The following GALNS variants were observed in gnomAD, a reference collection of about 807,000 sequenced individuals.
GALNS encodes N-acetylgalactosamine-6-sulfatase.
A neutral mutation model predicts 65.9 loss-of-function variants in GALNS; 65 were observed. The ratio of observed to expected loss-of-function variants is 0.99; its 90% CI spans 0.81 to 1.21. GALNS has a LOEUF of 1.21. GALNS is among the 50% of genes most tolerant of loss of function. GALNS has a pLI of 0.00. For missense variants in GALNS, 776 were observed against 700.7 expected (o/e 1.11, Z -1.21); for synonymous variants, 346 against 288.9 (o/e 1.20, Z -2.00).
intron 12 of GALNS, among the ~76,000 whole-genome samples, chr16:88,819,848 C>A (rs1380121442): frequency 6.6e-6 from 1 of 152,024 alleles, no homozygotes; most frequent in Non-Finnish European, 1.5e-5. Flanking sequence ...CGCCCGCCAC[C>A]ACGCCTGGCT....
chr16:88,841,340 G>A (rs971098728), intron 3 of GALNS, among the ~76,000 whole-genome samples: 13 of 152,108 alleles, frequency 8.5e-5, no homozygotes, highest in African/African-American at 2.4e-4. Context: ...GCCCCCCAGC[G>A]CCTTCCTTGG....
At chr16:88,856,602 C>T in intron 1 of GALNS, 156 bp downstream of exon 1, 1 of 574,752 alleles carries the variant, frequency 1.7e-6, no homozygotes, top group African/African-American at 1.9e-5. Context: ...CCTCCCCCTC[C>T]TCCTCCCCGC....
intron 1 of GALNS, among the ~76,000 whole-genome samples, chr16:88,853,367 ACG>A (rs1189917169): frequency 3.3e-5 from 5 of 152,128 alleles, no homozygotes; most frequent in Admixed American, 2.6e-4. Context: ...GTTTTAAGAA[ACG>A]CAGTTTCCAT....
intron 1 of GALNS, among the ~76,000 whole-genome samples, chr16:88,847,424 GCCT>G (rs1371578818): frequency 6.6e-6 from 1 of 152,156 alleles, no homozygotes; most frequent in East Asian, 1.9e-4. Context: ...ACCCCATCCA[GCCT>G]CCTCCTGTCA....
rs934492605 is a variant in GALNS, at chr16:88,817,419, T to G, written c.1482+588A>C. On this transcript the variant is annotated intron_variant, in intron 13 of 13. Transcript: ENST00000268695. ...GGAGGTGCTGCTCTGGGTGGGTGCCTATGAGTGAGATCAGGTCTGATGCGA... is the reference window on the plus strand; with the variant it reads ...GGAGGTGCTGCTCTGGGTGGGTGCCGATGAGTGAGATCAGGTCTGATGCGA... 1.7e-5 allele frequency: 17 copies of G among 984,450 alleles called. No homozygotes were observed. The African/African-American group carries it at 2.7e-4, about 15-fold the overall frequency. The allele number at this position is 984,450 out of a possible 1,614,324, so 61.0% of individuals were successfully genotyped here. A position where few individuals can be genotyped will look rare whatever the true frequency, so the allele number is the denominator to read the frequency against.
intron 4 of GALNS, 43 bp from the exon 5 acceptor site, chr16:88,837,808 G>A (rs377522256): frequency 1.9e-6 from 3 of 1,609,766 alleles, no homozygotes; most frequent in African/African-American, 2.7e-5. Context: ...CCCACGTGGG[G>A]ACACTCGGAA....
Position 88,854,352 on chromosome 16 carries a change from C to G in GALNS, c.120+2406G>C, listed in dbSNP as rs566018670. Reference sequence around the variant, plus strand: ...GGAGAGAAGACAGCCTGTGAGGACCCCCTTGCACCCTGGGCCACGTCAGGG... The same window carrying G: ...GGAGAGAAGACAGCCTGTGAGGACCGCCTTGCACCCTGGGCCACGTCAGGG... On this transcript the variant is annotated intron_variant, in intron 1 of 13. Transcript: ENST00000268695. Among the ~76,000 whole-genome samples the G allele has an allele frequency of 1.1e-4, 16 of 152,310 alleles. 1 individual carries two copies. Among genetic ancestry groups the G allele is most frequent in the African/African-American group, 3.8e-4 (16 of 41,568 alleles).
chr16:88,852,669 AAC>A (rs1319113250), intron 1 of GALNS, among the ~76,000 whole-genome samples: 1 of 152,242 alleles, frequency 6.6e-6, no homozygotes, highest in Non-Finnish European at 1.5e-5. Context: ...AACTAGAATC[AAC>A]AGTGTAGAGA....
chr16:88,844,756 T>G (rs1967162467), intron 1 of GALNS: 1 of 152,278 alleles, frequency 6.6e-6, no homozygotes, highest in African/African-American at 2.4e-5. Flanking sequence ...AACGCATATT[T>G]ATTTCTGAAA....
chr16:88,833,095 A>G (rs1405591542), intron 8 of GALNS, among the ~76,000 whole-genome samples: 10 of 151,756 alleles, frequency 6.6e-5, no homozygotes, highest in African/African-American at 1.5e-4. Flanking sequence ...AAAAAAAAAA[A>G]AAAAAGAAAA....
In GALNS at chr16:88,835,242, C is replaced by A; in HGVS notation, c.869G>T (p.Gly290Val). 6.2e-7 allele frequency: 1 copy of A among 1,601,570 alleles called. No homozygotes were observed. The highest frequency in any genetic ancestry group is 8.5e-7 in the Non-Finnish European group (1 of 1,173,422). Residue 290 changes from glycine to valine, a missense_variant, in exon 8 of 14, where the codon GGC becomes GTC. Physicochemically the swap from Gly to Val is moderately radical, Grantham distance 109. Coordinates refer to ENST00000268695, the MANE Select transcript of GALNS (RefSeq NM_000512.5). ...TTCGGGGGCGGAAATGAGGGCAGCG[C>A]CGTTGTCCGACGTGAAGAAGACGAA... ...NTFVFFTSDNGAALISAPEQG... is the reference protein window; with the variant it reads ...NTFVFFTSDNVAALISAPEQG...
At chr16:88,833,093 A>G (rs867447113) in intron 8 of GALNS, among the ~76,000 whole-genome samples, 14 of 151,770 alleles carry the variant, frequency 9.2e-5, no homozygotes, top group Middle Eastern at 3.2e-3. Context: ...AAAAAAAAAA[A>G]AAAAAAAGAA....
intron 2 of GALNS, 80 bp from the exon 3 acceptor site, chr16:88,842,051 G>GTAGACA: frequency 8.0e-7 from 1 of 1,245,688 alleles, no homozygotes. Context: ...GCCCCAACGA[G>GTAGACA]TAGACAGACG....
chr16:88,836,402 T>A, intron 5 of GALNS, 135 bp from the exon 6 acceptor site: 1 of 766,914 alleles, frequency 1.3e-6, no homozygotes, highest in Non-Finnish European at 2.2e-6. Context: ...ATGCCTGTAA[T>A]CCCAGCATTT....
rs1370181052 is a variant in GALNS at position 88,814,432 on chromosome 16, G to T, written c.*7C>A. On this transcript the variant is annotated 3_prime_UTR_variant, in exon 14 of 14. Transcript: ENST00000268695. ...GATTCTAGGCCTGGCCTGAGTCTGCGCAGGTGCTAGTGGGACCAGAGGCAC... is the reference window on the plus strand; with the variant it reads ...GATTCTAGGCCTGGCCTGAGTCTGCTCAGGTGCTAGTGGGACCAGAGGCAC... 1 of 1,556,454 alleles carries T rather than the reference G, an allele frequency of 6.4e-7. No homozygotes were observed. The highest frequency in any genetic ancestry group is 8.7e-7 in the Non-Finnish European group (1 of 1,149,936).
intron 3 of GALNS, 133 bp downstream of exon 3, chr16:88,841,764 C>T: frequency 1.2e-6 from 1 of 803,290 alleles, no homozygotes; most frequent in Admixed American, 2.0e-5. Flanking sequence ...CCACCTAAGT[C>T]CCAGAGACCC....
chr16:88,837,266 T>C (rs1345889681), intron 5 of GALNS, among the ~76,000 whole-genome samples: 1 of 152,140 alleles, frequency 6.6e-6, no homozygotes, highest in Non-Finnish European at 1.5e-5. Context: ...CCTGCCCATG[T>C]CCCTGGATGT....
intron 10 of GALNS, 112 bp from the exon 11 acceptor site, chr16:88,824,981 G>C (rs924072880): frequency 1.2e-6 from 1 of 835,492 alleles, no homozygotes; most frequent in Admixed American, 1.9e-5. Context: ...GTGAGGTCTT[G>C]GTTGATACTT....
At chr16:88,841,612 G>A (rs1290936144) in intron 3 of GALNS, among the ~76,000 whole-genome samples, 1 of 152,234 alleles carries the variant, frequency 6.6e-6, no homozygotes, top group Non-Finnish European at 1.5e-5. Flanking sequence ...CCTCCCTGTG[G>A]GTGTGCGGCT....
Sources: gnomAD v4.1 joint callset for allele counts (sites outside exome capture counted in the v4.1 genomes callset) on GRCh38, gnomAD v4.1.1 for gene constraint, MANE v1.5 for transcripts, NCBI Gene and HGNC (gene_info 2026-07-23, HGNC 2026-07-21) for gene names.